SLC39A14: variants seen among roughly 807,000 people sequenced by gnomAD.
SLC39A14 encodes the protein solute carrier family 39 member 14.
A neutral mutation model predicts 45.5 loss-of-function variants in SLC39A14; 19 were observed. That is an observed-to-expected ratio of 0.42 (90% CI 0.29 to 0.61). SLC39A14 has a LOEUF of 0.61. Ranked by LOEUF, SLC39A14 falls within the 20% of genes least tolerant of loss-of-function variation. The probability of loss-of-function intolerance (pLI) is 0.22; values close to 1 mark genes in which losing one functional copy is unlikely to be tolerated. For synonymous variants in SLC39A14, 264 were observed against 251.3 expected (o/e 1.05, Z -0.48); for missense variants, 447 against 616.5 (o/e 0.73, Z 2.91).
chr8:22,404,654 A>C, intron 1 of SLC39A14, 42 bp from the exon 2 acceptor site: 1 of 1,576,024 alleles, frequency 6.3e-7, no homozygotes, highest in Non-Finnish European at 8.6e-7. Flanking sequence ...TTGCCGGCAC[A>C]CAGGGAGAGG....
In SLC39A14 at chr8:22,367,321, C is replaced by G. The variant is rs1563456426; in HGVS notation, c.-103C>G. ...GGGTCGGCGCGCGTGTCTACGCGGA[C>G]GCACCGGCTAAGCTGCTTCTGCCGC... On this transcript the variant is annotated 5_prime_UTR_variant, in exon 1 of 9. Coordinates refer to ENST00000381237, the MANE Select transcript of SLC39A14 (RefSeq NM_001128431.4). The surrounding 1 kb of genome is among the most constrained non-coding windows in gnomAD (Gnocchi z 4.2). 6.6e-6 allele frequency: 1 copy of G among 151,760 alleles called. No individual in the cohort carries two copies. The highest frequency in any genetic ancestry group is 1.5e-5 in the Non-Finnish European group (1 of 67,964). 9.4% of individuals were successfully genotyped at this position (151,760 alleles called of 1,614,324 possible). A position where few individuals can be genotyped will look rare whatever the true frequency, so the allele number is the denominator to read the frequency against.
At chr8:22,381,289 C>T (rs905680912) in intron 1 of SLC39A14, among the ~76,000 whole-genome samples, 4 of 141,222 alleles carry the variant, frequency 2.8e-5, no homozygotes, top group African/African-American at 1.1e-4. Flanking sequence ...TTTTTTTTCT[C>T]CCCGAGACAG....
rs1472201469 is a variant in SLC39A14 at position 22,367,699 on chromosome 8, C to G, written c.-16+291C>G. ...CCGCGCCGAAGGCTGAGCCAGGCTC[C>G]CGGATTCCCCGCGCGGACACGGACG... On this transcript the variant is annotated intron_variant, in intron 1 of 8. Transcript: ENST00000381237. The surrounding 1 kb of genome is among the most constrained non-coding windows in gnomAD (Gnocchi z 4.2). 1 of 152,350 alleles carries G rather than the reference C, an allele frequency of 6.6e-6. No homozygotes were observed. Among genetic ancestry groups the G allele is most frequent in the Non-Finnish European group, 1.5e-5 (1 of 68,152 alleles). The allele number at this position is 152,350 out of a possible 1,614,324, so 9.4% of individuals were successfully genotyped here. A position where few individuals can be genotyped will look rare whatever the true frequency, so the allele number is the denominator to read the frequency against.
chr8:22,416,757 A>C (rs1043747105), intron 7 of SLC39A14, among the ~76,000 whole-genome samples: 1 of 152,022 alleles, frequency 6.6e-6, no homozygotes, highest in Admixed American at 6.6e-5. Context: ...CTTAACGATT[A>C]AATAGATAAT....
chr8:22,424,713 C>T (rs1836353242), downstream of SLC39A14, among the ~76,000 whole-genome samples: 1 of 151,988 alleles, frequency 6.6e-6, no homozygotes, highest in African/African-American at 2.4e-5. Flanking sequence ...CAGCACTGGC[C>T]ATATGGAAAG....
chr8:22,407,127 A>G (rs1191649452), intron 2 of SLC39A14, among the ~76,000 whole-genome samples: 5 of 151,898 alleles, frequency 3.3e-5, no homozygotes, highest in African/African-American at 9.7e-5. Context: ...TCCTCCCCTA[A>G]CCTCTGTGAA....
At chr8:22,407,583 ACTC>A (rs1835299890) in intron 2 of SLC39A14, among the ~76,000 whole-genome samples, 1 of 149,812 alleles carries the variant, frequency 6.7e-6, no homozygotes, top group South Asian at 2.1e-4. Flanking sequence ...CTGGTTTTGA[ACTC>A]CTGACCTCAA....
At position 22,420,237 on chromosome 8, in the gene SLC39A14, T is replaced by G; in HGVS notation, c.*539T>G. 1.0e-6 allele frequency: 1 copy of G among 985,766 alleles called. No individual in the cohort carries two copies. Among genetic ancestry groups the G allele is most frequent in the Non-Finnish European group, 1.2e-6 (1 of 830,194 alleles). 61.1% of individuals were successfully genotyped at this position (985,766 alleles called of 1,614,324 possible). On this transcript the variant is annotated 3_prime_UTR_variant, in exon 9 of 9. Coordinates refer to ENST00000381237, the MANE Select transcript of SLC39A14 (RefSeq NM_001128431.4). ...CCTATTACTTCTCTCAAAGAGAACC[T>G]GAAGTCAGAACACATGAGCAGGGTG... is the stretch of plus-strand genomic sequence containing the variant.
In SLC39A14 at chr8:22,422,230, A is replaced by G. The variant is rs934017016; in HGVS notation, c.*2532A>G. ...CTCCTATTAATAAGTTAGCAAGGAA[A>G]GTGTATGTCACGTGCAGGAACAGTG... On this transcript the variant is annotated 3_prime_UTR_variant, in exon 9 of 9. Coordinates refer to ENST00000381237, the MANE Select transcript of SLC39A14 (RefSeq NM_001128431.4). 2.2e-5 allele frequency: 22 copies of G among 985,372 alleles called. No individual in the cohort carries two copies. In the African/African-American group the frequency reaches 3.8e-4, roughly 17 times the overall value. The allele number at this position is 985,372 out of a possible 1,614,324, so 61.0% of individuals were successfully genotyped here.
chr8:22,408,010 T>A (rs2132324114), intron 2 of SLC39A14, among the ~76,000 whole-genome samples: 1 of 152,324 alleles, frequency 6.6e-6, no homozygotes, highest in South Asian at 2.1e-4. Flanking sequence ...CCCTGCCACT[T>A]TGGTGACAAT....
At chr8:22,424,072 C>T (rs575231190), downstream of SLC39A14, among the ~76,000 whole-genome samples, 3 of 152,186 alleles carry the variant, frequency 2.0e-5, no homozygotes, top group South Asian at 6.2e-4. Context: ...AGGCGCAGAT[C>T]ACCAAGCCTG....
intron 1 of SLC39A14, among the ~76,000 whole-genome samples, chr8:22,374,598 A>G (rs74472037): frequency 0.19 from 27,095 of 142,914 alleles, 3,518 homozygotes; most frequent in African/African-American, 0.39. Context: ...CAAGTGAGGT[A>G]GCTGGAAATG....
Position 22,422,475 on chromosome 8 carries a change from A to C in SLC39A14, c.*2777A>C. 2 of 985,870 alleles carry C rather than the reference A, an allele frequency of 2.0e-6. No homozygotes were observed. The highest frequency in any genetic ancestry group is 2.4e-6 in the Non-Finnish European group (2 of 829,934). The allele number at this position is 985,870 out of a possible 1,614,324, so 61.1% of individuals were successfully genotyped here. The stretch of plus-strand genomic sequence containing the variant: ...AGAGATGGCAATATGCTGGGCATCT[A>C]CTTTAAAACAAAGTTGTCTGATTTT... On this transcript the variant is annotated 3_prime_UTR_variant, in exon 9 of 9. Transcript: ENST00000381237.
intron 1 of SLC39A14, among the ~76,000 whole-genome samples, chr8:22,383,599 G>T (rs946093413): frequency 1.8e-4 from 28 of 152,182 alleles, no homozygotes; most frequent in African/African-American, 6.5e-4. Context: ...TTAGAGCACA[G>T]CGTACTTGAG....
intron 1 of SLC39A14, among the ~76,000 whole-genome samples, chr8:22,383,200 G>A (rs991365193): frequency 8.5e-5 from 13 of 152,140 alleles, no homozygotes; most frequent in Non-Finnish European, 5.9e-5. Context: ...TGTAACCCCT[G>A]AGGGCAGGGA....
At chr8:22,383,622 G>A (rs1003356559) in intron 1 of SLC39A14, among the ~76,000 whole-genome samples, 3 of 152,162 alleles carry the variant, frequency 2.0e-5, no homozygotes, top group Non-Finnish European at 4.4e-5. Flanking sequence ...TTGGGGCCAG[G>A]TGGAGCCGTG....
chr8:22,382,226 C>T (rs545054097), intron 1 of SLC39A14, among the ~76,000 whole-genome samples: 5 of 152,080 alleles, frequency 3.3e-5, no homozygotes, highest in African/African-American at 1.2e-4. Context: ...AAACCTAAAA[C>T]GTTGATAATC....
At position 22,377,096 on chromosome 8, in the gene SLC39A14, C is replaced by G. The variant is rs141060513; in HGVS notation, c.-16+9688C>G. ...TCTTGTACATTTATTTATTGGAATT[C>G]TTTGTAAGCAAGAGCTGGCCCTGCT... On this transcript the variant is annotated intron_variant, in intron 1 of 8. Transcript: ENST00000381237. Among the ~76,000 whole-genome samples, 34 of 152,186 alleles carry G rather than the reference C, an allele frequency of 2.2e-4. 1 individual carries two copies. Among genetic ancestry groups the G allele is most frequent in the African/African-American group, 8.2e-4 (34 of 41,528 alleles).
At chr8:22,386,609 C>A (rs1285226801) in intron 1 of SLC39A14, among the ~76,000 whole-genome samples, 1 of 152,168 alleles carries the variant, frequency 6.6e-6, no homozygotes, top group Non-Finnish European at 1.5e-5. Flanking sequence ...GATTTGGGCA[C>A]TTGATATGTG....
Sources: gnomAD v4.1 joint callset for allele counts (sites outside exome capture counted in the v4.1 genomes callset) on GRCh38, gnomAD v4.1.1 for gene constraint, Gnocchi (gnomAD v3.1) non-coding constraint, MANE v1.5 for transcripts, NCBI Gene and HGNC (gene_info 2026-07-23, HGNC 2026-07-21) for gene names.